The following ANKS6 variants were observed in gnomAD, a reference collection of about 807,000 sequenced individuals.
ANKS6 encodes ankyrin repeat and SAM domain-containing protein 6.
ANKS6 carries 47 observed loss-of-function variants against 77.9 expected under a neutral mutation model. The ratio of observed to expected loss-of-function variants is 0.60; its 90% CI spans 0.48 to 0.77. The LOEUF is 0.77. ANKS6 is among the 30% of genes least tolerant of loss of function. The probability of loss-of-function intolerance (pLI) is 0.00; values close to 1 mark genes in which losing one functional copy is unlikely to be tolerated. For missense variants in ANKS6, 1,150 were observed against 1,159.1 expected (o/e 0.99, Z 0.11); for synonymous variants, 488 against 501.7 (o/e 0.97, Z 0.37).
intron 8 of ANKS6, among the ~76,000 whole-genome samples, chr9:98,777,075 C>A (rs1355711103): frequency 6.6e-6 from 1 of 152,228 alleles, no homozygotes; most frequent in Non-Finnish European, 1.5e-5. Context: ...CTCTTTGACT[C>A]CTCTCACCCT....
At chr9:98,751,508 G>A (rs1832430003) in intron 12 of ANKS6, among the ~76,000 whole-genome samples, 1 of 152,202 alleles carries the variant, frequency 6.6e-6, no homozygotes. Context: ...GCTAGTGTGA[G>A]GAAGAACTTA....
At chr9:98,781,263 ACACTT>A (rs1834237856) in intron 5 of ANKS6, among the ~76,000 whole-genome samples, 1 of 152,194 alleles carries the variant, frequency 6.6e-6, no homozygotes, top group African/African-American at 2.4e-5. Context: ...TTTTGTGTAA[ACACTT>A]CATTTAAAAA....
chr9:98,772,998 C>A (rs1216796952), intron 9 of ANKS6, among the ~76,000 whole-genome samples: 1 of 152,192 alleles, frequency 6.6e-6, no homozygotes, highest in African/African-American at 2.4e-5. Flanking sequence ...GCAAATGAAG[C>A]AAGTCAAGTT....
intron 9 of ANKS6, among the ~76,000 whole-genome samples, chr9:98,771,614 C>A (rs1399736518): frequency 6.6e-6 from 1 of 152,226 alleles, no homozygotes; most frequent in Non-Finnish European, 1.5e-5. Flanking sequence ...TCCAGGCACA[C>A]CAACCTCCTT....
At position 98,732,382 on chromosome 9, in the gene ANKS6, T is replaced by C. The variant is rs1482719591; in HGVS notation, c.*4137A>G. 1 of 1,142,804 alleles carries C rather than the reference T, an allele frequency of 8.8e-7. No homozygotes were observed. Among genetic ancestry groups the C allele is most frequent in the Non-Finnish European group, 1.2e-6 (1 of 807,402 alleles). 70.8% of individuals were successfully genotyped at this position (1,142,804 alleles called of 1,614,324 possible). Reference sequence around the variant, plus strand: ...CTTGGTCAAACTATCTTTCTTTCTGTCTGCCATGCCAGGAAATCCAGTGAC... The same window carrying C: ...CTTGGTCAAACTATCTTTCTTTCTGCCTGCCATGCCAGGAAATCCAGTGAC... On this transcript the variant is annotated 3_prime_UTR_variant, in exon 15 of 15. Transcript: ENST00000353234.
At chr9:98,783,010 T>C (rs1834359427) in intron 4 of ANKS6, among the ~76,000 whole-genome samples, 1 of 151,678 alleles carries the variant, frequency 6.6e-6, no homozygotes, top group Non-Finnish European at 1.5e-5. Flanking sequence ...TGCTTGAGTC[T>C]GGGAGGTCAA....
intron 11 of ANKS6, among the ~76,000 whole-genome samples, chr9:98,757,127 A>G (rs1832754847): frequency 6.6e-6 from 1 of 152,238 alleles, no homozygotes; most frequent in Non-Finnish European, 1.5e-5. Context: ...CTGCACAGAG[A>G]GAACAGAGTT....
At chr9:98,757,485 A>C (rs1179673956) in intron 11 of ANKS6, among the ~76,000 whole-genome samples, 1 of 152,152 alleles carries the variant, frequency 6.6e-6, no homozygotes, top group African/African-American at 2.4e-5. Flanking sequence ...TGTGCTTGTG[A>C]ATGTAGGGGG....
Position 98,773,895 on chromosome 9 carries a change from G to A in ANKS6, c.1803C>T (p.Gly601=), listed in dbSNP as rs747006701. Residue 601 remains glycine (G), a synonymous_variant, in exon 9 of 15, where the codon GGC becomes GGT. Coordinates refer to ENST00000353234, the MANE Select transcript of ANKS6 (RefSeq NM_173551.5). Reference sequence around the variant, plus strand: ...AACTTACAGTGTCTGTGCCCCCGCCGCCCACGGGGTGGCCCCTGCTGGCTC... The same window carrying A: ...AACTTACAGTGTCTGTGCCCCCGCCACCCACGGGGTGGCCCCTGCTGGCTC... ...PQRASRGHPV[G]GGGTDTTPVR... is the part of the protein sequence containing the mutation. 1.5e-5 allele frequency: 23 copies of A among 1,567,556 alleles called. No homozygotes were observed. In the Admixed American group the frequency reaches 1.9e-4, roughly 13 times the overall value.
At chr9:98,754,458 G>A (rs919761334) in intron 12 of ANKS6, among the ~76,000 whole-genome samples, 3 of 152,024 alleles carry the variant, frequency 2.0e-5, no homozygotes, top group Admixed American at 6.6e-5. Flanking sequence ...TGGCTAACAC[G>A]GTGAAACCCC....
At chr9:98,764,015 G>A (rs931444434) in intron 11 of ANKS6, among the ~76,000 whole-genome samples, 2 of 152,048 alleles carry the variant, frequency 1.3e-5, no homozygotes, top group African/African-American at 4.8e-5. Context: ...AGGCCCAAAT[G>A]GTTTCCCTGG....
chr9:98,780,167 T>C (rs745887005), intron 6 of ANKS6, 22 bp downstream of exon 6: 1 of 1,612,274 alleles, frequency 6.2e-7, no homozygotes, highest in Admixed American at 1.7e-5. Context: ...CCCAAGCCCC[T>C]TTAAGACAGG....
intron 14 of ANKS6, among the ~76,000 whole-genome samples, chr9:98,740,649 G>A (rs756499165): frequency 2.6e-5 from 4 of 152,184 alleles, no homozygotes; most frequent in Non-Finnish European, 4.4e-5. Flanking sequence ...TCCGGCCCTC[G>A]CTGCCTGCTA....
chr9:98,749,191 C>T (rs1832299502), intron 13 of ANKS6, among the ~76,000 whole-genome samples: 1 of 152,176 alleles, frequency 6.6e-6, no homozygotes, highest in African/African-American at 2.4e-5. Flanking sequence ...GCTTGGCCCC[C>T]AGCAAGCACA....
At chr9:98,738,959 T>C (rs780322336) in intron 14 of ANKS6, among the ~76,000 whole-genome samples, 59 of 152,088 alleles carry the variant, frequency 3.9e-4, no homozygotes, top group Admixed American at 1.8e-3. Flanking sequence ...CTGGATGAGA[T>C]TGGAGACTAT....
At chr9:98,772,852 C>T (rs544835003) in intron 9 of ANKS6, among the ~76,000 whole-genome samples, 36 of 152,284 alleles carry the variant, frequency 2.4e-4, no homozygotes, top group Admixed American at 4.6e-4. Flanking sequence ...ACCTCTCTGG[C>T]GCTCCCACAC....
chr9:98,747,080 G>A (rs1487845920), intron 13 of ANKS6, among the ~76,000 whole-genome samples: 2 of 152,152 alleles, frequency 1.3e-5, no homozygotes, highest in South Asian at 2.1e-4. Context: ...ATTACAGGGT[G>A]GATGCGGGAT....
At chr9:98,779,030 G>A (rs961901152) in intron 6 of ANKS6, among the ~76,000 whole-genome samples, 3 of 152,212 alleles carry the variant, frequency 2.0e-5, no homozygotes, top group Non-Finnish European at 2.9e-5. Context: ...GGCAGTAAGA[G>A]CAGGAATGAA....
chr9:98,758,285 C>T (rs1024920432), intron 11 of ANKS6, among the ~76,000 whole-genome samples: 3 of 147,554 alleles, frequency 2.0e-5, no homozygotes, highest in Non-Finnish European at 3.0e-5. Context: ...TGAGATCTTT[C>T]GGGTTGGCTC....
Sources: allele counts gnomAD v4.1 joint callset (sites outside exome capture counted in the v4.1 genomes callset), GRCh38; gene constraint gnomAD v4.1.1; transcripts MANE v1.5; gene names NCBI Gene and HGNC (gene_info 2026-07-23, HGNC 2026-07-21).